Variants in PINX1 observed in about 807,000 individuals in gnomAD.
PINX1 encodes the protein PIN2 (TERF1) interacting telomerase inhibitor 1.
A neutral mutation model predicts 25.4 loss-of-function variants in PINX1; 34 were observed. That is an observed-to-expected ratio of 1.34 (90% confidence interval 1.02 to 1.78). The LOEUF is 1.78. Among genes scored for constraint, PINX1 ranks in the 40% most tolerant of loss-of-function variants. The probability of loss-of-function intolerance (pLI) is 0.00; values close to 1 mark genes in which losing one functional copy is unlikely to be tolerated. For missense variants in PINX1, 592 were observed against 404.9 expected (o/e 1.46, Z -3.97); for synonymous variants, 197 against 147.7 (o/e 1.33, Z -2.42).
In PINX1 at chr8:10,801,677, G is replaced by A. The variant is rs113088123; in HGVS notation, c.471+18516C>T. On this transcript the variant is annotated intron_variant, in intron 6 of 6. Transcript: ENST00000314787. ...GCTCAGTGACAGAGCTGGGACTTGA[G>A]CCTAAGTTTCTGACTTTTAAAGCAA... Among the ~76,000 whole-genome samples, 763 of 152,254 alleles carry A rather than the reference G, an allele frequency of 5.0e-3. 5 individuals carry two copies. The highest frequency in any genetic ancestry group is 0.033 in the South Asian group (160 of 4,816).
chr8:10,780,320 T>TC (rs568527906), intron 6 of PINX1, among the ~76,000 whole-genome samples: 4 of 152,204 alleles, frequency 2.6e-5, no homozygotes, highest in Admixed American at 2.6e-4. Flanking sequence ...CTTTCACACT[T>TC]CCCCCCATCA....
intron 6 of PINX1, among the ~76,000 whole-genome samples, chr8:10,786,856 A>G (rs1338956902): frequency 6.6e-6 from 1 of 152,202 alleles, no homozygotes; most frequent in Non-Finnish European, 1.5e-5. Context: ...CTCCCCAGAC[A>G]GCCCTCAGCT....
At chr8:10,788,430 T>C (rs1438772408) in intron 6 of PINX1, among the ~76,000 whole-genome samples, 1 of 152,048 alleles carries the variant, frequency 6.6e-6, no homozygotes, top group African/African-American at 2.4e-5. Context: ...CTGGGCATGG[T>C]GGCATGTGCC....
chr8:10,781,488 A>G (rs1343237409), intron 6 of PINX1, among the ~76,000 whole-genome samples: 1 of 152,256 alleles, frequency 6.6e-6, no homozygotes, highest in Non-Finnish European at 1.5e-5. Context: ...AAAGAACTCA[A>G]GCAACTCAGT....
chr8:10,779,551 T>C (rs983058089), intron 6 of PINX1, among the ~76,000 whole-genome samples: 2 of 152,168 alleles, frequency 1.3e-5, no homozygotes, highest in East Asian at 3.8e-4. Context: ...TCTCTCTCTC[T>C]CTTTTTTTAA....
At chr8:10,800,839 G>T (rs922754223) in intron 6 of PINX1, among the ~76,000 whole-genome samples, 1 of 152,124 alleles carries the variant, frequency 6.6e-6, no homozygotes, top group African/African-American at 2.4e-5. Flanking sequence ...TCTTCTCTTT[G>T]CTTTCCCACC....
intron 6 of PINX1, among the ~76,000 whole-genome samples, chr8:10,812,266 A>G (rs1797546608): frequency 6.6e-6 from 1 of 152,226 alleles, no homozygotes; most frequent in Non-Finnish European, 1.5e-5. Flanking sequence ...GTATGTAAGA[A>G]TCAAGAAGAA....
chr8:10,769,850 CCT>C (rs1801170555), intron 6 of PINX1, among the ~76,000 whole-genome samples: 1 of 152,170 alleles, frequency 6.6e-6, no homozygotes, highest in African/African-American at 2.4e-5. Context: ...TGTCACCTTT[CCT>C]CTCTCTTCAG....
chr8:10,779,371 C>G (rs1414404258), intron 6 of PINX1, among the ~76,000 whole-genome samples: 7 of 152,170 alleles, frequency 4.6e-5, no homozygotes, highest in African/African-American at 1.4e-4. Context: ...TTCAAAAAAG[C>G]AATTTCTAAA....
chr8:10,778,685 A>T (rs1009280309), intron 6 of PINX1, among the ~76,000 whole-genome samples: 6 of 152,200 alleles, frequency 3.9e-5, no homozygotes, highest in African/African-American at 1.4e-4. Flanking sequence ...GCCCACATTT[A>T]TTTGATCCTG....
At chr8:10,824,327 G>C (rs1005055947) in intron 5 of PINX1, among the ~76,000 whole-genome samples, 3 of 152,182 alleles carry the variant, frequency 2.0e-5, no homozygotes, top group African/African-American at 4.8e-5. Context: ...AAAGCTAGCT[G>C]ATAAACCATT....
rs975117820 is a variant in PINX1, at chr8:10,786,996, T to G, written c.472-21080A>C. Reference sequence around the variant, plus strand: ...TTATCTCATGAGGGAACAATTACTGTGTGTGTGGAGGGGTAGGCAACAAGT... The same window carrying G: ...TTATCTCATGAGGGAACAATTACTGGGTGTGTGGAGGGGTAGGCAACAAGT... On this transcript the variant is annotated intron_variant, in intron 6 of 6. Coordinates refer to ENST00000314787, the MANE Select transcript of PINX1 (RefSeq NM_017884.6). Among the ~76,000 whole-genome samples, 13 of 152,250 alleles carry G rather than the reference T, an allele frequency of 8.5e-5. No individual in the cohort carries two copies. In the East Asian group the frequency reaches 2.5e-3, roughly 29 times the overall value.
intron 6 of PINX1, chr8:10,771,159 G>A (rs1488321536): frequency 6.6e-6 from 1 of 152,210 alleles, no homozygotes; most frequent in Non-Finnish European, 1.5e-5. Context: ...GGGCAGTTCT[G>A]ACAAACACAA....
intron 6 of PINX1, among the ~76,000 whole-genome samples, chr8:10,811,597 C>G (rs188158014): frequency 2.0e-5 from 3 of 152,194 alleles, no homozygotes; most frequent in Non-Finnish European, 2.9e-5. Flanking sequence ...GGCTCAGGGT[C>G]TCTCACGCGG....
At chr8:10,836,330 T>A in intron 1 of PINX1, among the ~76,000 whole-genome samples, 1 of 146,038 alleles carries the variant, frequency 6.8e-6, no homozygotes, top group African/African-American at 2.8e-5. Context: ...ATTACCACTT[T>A]ACTTATCTTG....
chr8:10,835,627 C>A (rs989810998), intron 1 of PINX1, among the ~76,000 whole-genome samples: 3 of 152,168 alleles, frequency 2.0e-5, no homozygotes, highest in Non-Finnish European at 4.4e-5. Context: ...TTTCCGGTTT[C>A]CCATTAGACC....
intron 6 of PINX1, among the ~76,000 whole-genome samples, chr8:10,799,212 A>G (rs1199996644): frequency 6.6e-6 from 1 of 152,154 alleles, no homozygotes; most frequent in African/African-American, 2.4e-5. Flanking sequence ...ATTCACTTAA[A>G]TAATTTTATT....
At chr8:10,837,366 C>T (rs905020013) in intron 1 of PINX1, among the ~76,000 whole-genome samples, 1 of 152,220 alleles carries the variant, frequency 6.6e-6, no homozygotes. Flanking sequence ...AAGCTTGACG[C>T]CTGGCTTAGC....
rs534216127 is a variant in PINX1, at chr8:10,772,989, T to C, written c.472-7073A>G. Reference sequence around the variant, plus strand: ...GGAAACAAAAAACTATTTTATGACATGTAAAAATTACATGAATTTCAAATA... The same window carrying C: ...GGAAACAAAAAACTATTTTATGACACGTAAAAATTACATGAATTTCAAATA... On this transcript the variant is annotated intron_variant, in intron 6 of 6. Transcript: ENST00000314787. Among the ~76,000 whole-genome samples the C allele has an allele frequency of 1.2e-4, 18 of 152,232 alleles. No homozygotes were observed. In the South Asian group the frequency reaches 3.5e-3, roughly 30 times the overall value.
Sources: allele counts gnomAD v4.1 joint callset (sites outside exome capture counted in the v4.1 genomes callset), GRCh38; gene constraint gnomAD v4.1.1; transcripts MANE v1.5; gene names NCBI Gene and HGNC (gene_info 2026-07-23, HGNC 2026-07-21).